Variants in ATF3 observed in about 807,000 individuals in gnomAD.
ATF3 encodes cyclic AMP-dependent transcription factor ATF-3.
ATF3 carries 10 observed loss-of-function variants against 18.4 expected under a neutral mutation model. That is an observed-to-expected ratio of 0.54 (90% confidence interval 0.34 to 0.92). ATF3 has a LOEUF of 0.92. Ranked by LOEUF, ATF3 falls within the 40% of genes least tolerant of loss-of-function variation. The pLI is 0.02. For synonymous variants in ATF3, 78 were observed against 87.9 expected, an observed-to-expected ratio of 0.89 and a Z score of 0.63; for missense variants, 183 against 222.3, an observed-to-expected ratio of 0.82 and a Z score of 1.12.
intron 1 of ATF3, among the ~76,000 whole-genome samples, chr1:212,580,800 G>T (rs6680317): frequency 0.012 from 1,822 of 152,108 alleles, 37 homozygotes; most frequent in African/African-American, 0.042. Flanking sequence ...ACAGAGTCTC[G>T]CTCTGTCACC....
chr1:212,583,270 C>T (rs543664109), intron 1 of ATF3, among the ~76,000 whole-genome samples: 1 of 152,182 alleles, frequency 6.6e-6, no homozygotes, highest in Admixed American at 6.5e-5. Context: ...GTTGCCCAGG[C>T]TGGTGCAGTG....
chr1:212,568,701 A>T (rs1454615888), intron 1 of ATF3, among the ~76,000 whole-genome samples: 1 of 152,162 alleles, frequency 6.6e-6, no homozygotes, highest in Non-Finnish European at 1.5e-5. Flanking sequence ...GGTGACTGTC[A>T]TTTGGTATTT....
At chr1:212,591,785 A>G (rs1329558298) in intron 1 of ATF3, among the ~76,000 whole-genome samples, 1 of 151,980 alleles carries the variant, frequency 6.6e-6, no homozygotes, top group African/African-American at 2.4e-5. Context: ...CTTTTCTTTT[A>G]TGGGGTGGTA....
chr1:212,618,211 G>C lies in ATF3; in HGVS notation c.325G>C (p.Glu109Gln). The change falls in exon 3 of 4, where the codon GAG (glutamate) becomes CAG (glutamine). Residue 109 changes from glutamate (E) to glutamine (Q), a missense_variant. Transcript: ENST00000341491. The surrounding 1 kb of genome is among the most constrained non-coding windows in gnomAD (Gnocchi z 4.4). The stretch of plus-strand genomic sequence containing the variant: ...TGCAAAGTGCCGAAACAAGAAGAAG[G>C]AGAAGACGGAGTGCCTGCAGAAAGT... ...AAAKCRNKKK[E>Q]KTECLQKESE... is the part of the protein sequence containing the mutation. The C allele has an allele frequency of 6.2e-7, 1 of 1,614,112 alleles. No homozygotes were observed. The highest frequency in any genetic ancestry group is 1.7e-5 in the Admixed American group (1 of 60,012).
chr1:212,592,074 G>A (rs996572612), intron 1 of ATF3, among the ~76,000 whole-genome samples: 1 of 152,124 alleles, frequency 6.6e-6, no homozygotes, highest in African/African-American at 2.4e-5. Flanking sequence ...TTCACACTGT[G>A]TGCAACCATC....
intron 1 of ATF3, among the ~76,000 whole-genome samples, chr1:212,611,247 T>C (rs1447915494): frequency 6.6e-6 from 1 of 152,200 alleles, no homozygotes; most frequent in Admixed American, 6.5e-5. Context: ...TTGGGGTCAA[T>C]GAGAGTACAA....
chr1:212,611,153 G>A (rs897667420), intron 1 of ATF3, among the ~76,000 whole-genome samples: 1 of 152,236 alleles, frequency 6.6e-6, no homozygotes, highest in Admixed American at 6.5e-5. Flanking sequence ...TTATATGTGA[G>A]AATTGGTTCT....
At chr1:212,565,489 T>A (rs772837203) in intron 1 of ATF3, 9 of 152,088 alleles carry the variant, frequency 5.9e-5, no homozygotes, top group Non-Finnish European at 1.5e-5. Context: ...AAAATGTGAG[T>A]CTTGACTTTT....
At chr1:212,592,967 C>A (rs182510583) in intron 1 of ATF3, among the ~76,000 whole-genome samples, 1 of 151,918 alleles carries the variant, frequency 6.6e-6, no homozygotes, top group East Asian at 1.9e-4. Flanking sequence ...ATAAATCATG[C>A]TGCTATAAAG....
At chr1:212,608,452 G>A (rs1654715220), upstream of ATF3, among the ~76,000 whole-genome samples, 1 of 152,182 alleles carries the variant, frequency 6.6e-6, no homozygotes, top group Non-Finnish European at 1.5e-5. Context: ...ACATCTGGCG[G>A]CTATCCCGGG....
At chr1:212,566,971 G>A (rs1175941355) in intron 1 of ATF3, among the ~76,000 whole-genome samples, 1 of 152,214 alleles carries the variant, frequency 6.6e-6, no homozygotes, top group Admixed American at 6.5e-5. Flanking sequence ...CCTAGAGAAA[G>A]TCTCCAAATT....
At chr1:212,612,877 C>G (rs1022037870) in intron 1 of ATF3, among the ~76,000 whole-genome samples, 2 of 152,186 alleles carry the variant, frequency 1.3e-5, no homozygotes, top group African/African-American at 4.8e-5. Context: ...AGAGAGCCAG[C>G]CCTGGGCTGG....
At chr1:212,595,728 GTTTCACA>G (rs761695509) in intron 1 of ATF3, among the ~76,000 whole-genome samples, 9 of 152,274 alleles carry the variant, frequency 5.9e-5, no homozygotes, top group Non-Finnish European at 1.0e-4. Flanking sequence ...CCCTTAACAA[GTTTCACA>G]TTGGCTTAAT....
chr1:212,577,097 T>C (rs1055814343), intron 1 of ATF3, among the ~76,000 whole-genome samples: 8 of 152,160 alleles, frequency 5.3e-5, no homozygotes. Context: ...TCTTCATCGT[T>C]GGATGCCTGA....
At chr1:212,613,880 T>G (rs368491118) in intron 1 of ATF3, 63 of 152,370 alleles carry the variant, frequency 4.1e-4, no homozygotes, top group African/African-American at 1.4e-3. Flanking sequence ...TTTGTCATCC[T>G]TTTGGGTTCA....
At chr1:212,604,705 T>C (rs1341740997), upstream of ATF3, among the ~76,000 whole-genome samples, 1 of 152,168 alleles carries the variant, frequency 6.6e-6, no homozygotes, top group African/African-American at 2.4e-5. Context: ...ATAGGGTGGC[T>C]TTGGCAGAGG....
chr1:212,580,980 G>T (rs1018594905), intron 1 of ATF3, among the ~76,000 whole-genome samples: 1 of 152,176 alleles, frequency 6.6e-6, no homozygotes, highest in Non-Finnish European at 1.5e-5. Flanking sequence ...CGTTGGGCAG[G>T]CTGGTCTCGG....
intron 1 of ATF3, among the ~76,000 whole-genome samples, chr1:212,577,659 G>A (rs181910096): frequency 1.3e-5 from 2 of 149,182 alleles, no homozygotes; most frequent in African/African-American, 2.5e-5. Flanking sequence ...TCCCACATAT[G>A]AGTGAGATCA....
intron 1 of ATF3, among the ~76,000 whole-genome samples, chr1:212,591,840 T>A (rs974145235): frequency 8.5e-5 from 13 of 152,292 alleles, no homozygotes; most frequent in South Asian, 2.1e-4. Flanking sequence ...TTATTTATTT[T>A]TTGAGAAAGG....
Sources: allele counts gnomAD v4.1 joint callset (sites outside exome capture counted in the v4.1 genomes callset), GRCh38; gene constraint gnomAD v4.1.1; non-coding constraint Gnocchi (gnomAD v3.1); transcripts MANE v1.5; gene names NCBI Gene and HGNC (gene_info 2026-07-23, HGNC 2026-07-21).